Variants in NEDD9 observed in about 807,000 individuals in gnomAD.
The protein encoded by NEDD9 is neural precursor cell expressed, developmentally down-regulated 9.
NEDD9 carries 26 observed loss-of-function variants against 76.6 expected under a neutral mutation model. That is an observed-to-expected ratio of 0.34 (90% CI 0.25 to 0.47). The LOEUF is 0.47. NEDD9 is among the 20% of genes least tolerant of loss of function. NEDD9 has a pLI of 1.00. For missense variants in NEDD9, 937 were observed against 1,058.5 expected (o/e 0.89, Z 1.59); for synonymous variants, 392 against 414.2 (o/e 0.95, Z 0.65).
intron 2 of NEDD9, among the ~76,000 whole-genome samples, chr6:11,196,391 T>A (rs1758294824): frequency 6.6e-6 from 1 of 152,116 alleles, no homozygotes. Flanking sequence ...AAAATAGCAC[T>A]AGGTGACATA....
At chr6:11,377,149 C>T (rs79808042) in intron 1 of NEDD9, among the ~76,000 whole-genome samples, 10,563 of 152,264 alleles carry the variant, frequency 0.069, 401 homozygotes, top group Non-Finnish European at 0.071. Context: ...GCAGAGGCCC[C>T]ACAGAAAAAC....
intron 1 of NEDD9, among the ~76,000 whole-genome samples, chr6:11,228,329 G>A (rs866933579): frequency 8.5e-5 from 13 of 152,076 alleles, no homozygotes; most frequent in African/African-American, 2.4e-4. Context: ...TCAAGAGTTC[G>A]AGACCAGCCT....
At chr6:11,368,993 G>A (rs1407491412) in intron 1 of NEDD9, among the ~76,000 whole-genome samples, 1 of 152,198 alleles carries the variant, frequency 6.6e-6, no homozygotes, top group Non-Finnish European at 1.5e-5. Context: ...GTGAGGTAGG[G>A]CTCTTATTAC....
At chr6:11,281,107 TCATTGCTGTG>T (rs1167912580) in intron 3 of NEDD9, among the ~76,000 whole-genome samples, 1 of 152,260 alleles carries the variant, frequency 6.6e-6, no homozygotes. Flanking sequence ...TATATTTGTA[TCATTGCTGTG>T]GAAGAAAGAT....
chr6:11,206,096 A>G (rs956592650), intron 2 of NEDD9, among the ~76,000 whole-genome samples: 3 of 152,202 alleles, frequency 2.0e-5, no homozygotes, highest in African/African-American at 7.2e-5. Context: ...ATTTTGCACA[A>G]TGTAGTCAAG....
At chr6:11,340,692 T>A (rs1280354278) in intron 1 of NEDD9, among the ~76,000 whole-genome samples, 2 of 152,150 alleles carry the variant, frequency 1.3e-5, no homozygotes, top group African/African-American at 4.8e-5. Flanking sequence ...CCTTGAATAA[T>A]TCAGAATTTT....
chr6:11,226,650 C>A (rs1003320946), intron 1 of NEDD9, among the ~76,000 whole-genome samples: 1 of 152,148 alleles, frequency 6.6e-6, no homozygotes, highest in African/African-American at 2.4e-5. Flanking sequence ...TTTGAATTGA[C>A]GACTTTCTCT....
intron 3 of NEDD9, among the ~76,000 whole-genome samples, chr6:11,246,683 A>C (rs1434167779): frequency 6.6e-6 from 1 of 152,084 alleles, no homozygotes; most frequent in African/African-American, 2.4e-5. Flanking sequence ...CTTCCCACCC[A>C]CAGAAAACAA....
intron 3 of NEDD9, chr6:11,305,962 A>C (rs1444208875): frequency 1.2e-6 from 2 of 1,613,164 alleles, no homozygotes; most frequent in Non-Finnish European, 1.7e-6. Context: ...GGGAATCACA[A>C]ATTGTCTGTT....
chr6:11,245,709 A>C (rs1465183245), intron 3 of NEDD9, among the ~76,000 whole-genome samples: 1 of 152,238 alleles, frequency 6.6e-6, no homozygotes, highest in Non-Finnish European at 1.5e-5. Flanking sequence ...ACTAAATTTA[A>C]TGCTTTAGAG....
chr6:11,341,574 C>T (rs1265539674), intron 1 of NEDD9, among the ~76,000 whole-genome samples: 3 of 152,254 alleles, frequency 2.0e-5, no homozygotes, highest in Admixed American at 2.0e-4. Flanking sequence ...TGTAAATATG[C>T]GAACATTTAG....
chr6:11,270,385 T>A (rs548638399), intron 3 of NEDD9, among the ~76,000 whole-genome samples: 25 of 144,322 alleles, frequency 1.7e-4, no homozygotes, highest in African/African-American at 5.3e-4. Context: ...TTTTTTTTTT[T>A]AAATGTTCCA....
chr6:11,193,146 T>C (rs916440508), intron 3 of NEDD9, among the ~76,000 whole-genome samples: 9 of 149,534 alleles, frequency 6.0e-5, no homozygotes, highest in Admixed American at 6.0e-4. Flanking sequence ...CCCTACAAAA[T>C]ACAAAAATTA....
chr6:11,321,692 C>G (rs1761807844), intron 2 of NEDD9, among the ~76,000 whole-genome samples: 1 of 152,174 alleles, frequency 6.6e-6, no homozygotes, highest in South Asian at 2.1e-4. Context: ...GAAAGTACAT[C>G]AAACCAGGAT....
At chr6:11,311,267 G>A (rs749067235) in intron 2 of NEDD9, among the ~76,000 whole-genome samples, 31 of 152,178 alleles carry the variant, frequency 2.0e-4, no homozygotes, top group Non-Finnish European at 3.8e-4. Flanking sequence ...AATTAGTTAA[G>A]ATGAGGTCCT....
chr6:11,227,923 A>G (rs1050367815), intron 1 of NEDD9, among the ~76,000 whole-genome samples: 1 of 152,160 alleles, frequency 6.6e-6, no homozygotes, highest in Admixed American at 6.5e-5. Flanking sequence ...AGCGGGACTG[A>G]CAGGCCACTC....
At chr6:11,223,722 C>A (rs1446137265) in intron 1 of NEDD9, among the ~76,000 whole-genome samples, 2 of 152,172 alleles carry the variant, frequency 1.3e-5, no homozygotes, top group Admixed American at 6.5e-5. Context: ...GGATGCAAAT[C>A]CCCCGCACTG....
chr6:11,306,243 G>A, intron 2 of NEDD9: 1 of 550,952 alleles, frequency 1.8e-6, no homozygotes, highest in Admixed American at 3.1e-5. Flanking sequence ...CATCATAGCA[G>A]CTGGAAAAGC....
intron 2 of NEDD9, among the ~76,000 whole-genome samples, chr6:11,201,626 A>G (rs1455921575): frequency 6.6e-6 from 1 of 152,100 alleles, no homozygotes; most frequent in Non-Finnish European, 1.5e-5. Flanking sequence ...TGCTCTAGTG[A>G]CTTATTATTA....
Sources: allele counts gnomAD v4.1 joint callset (sites outside exome capture counted in the v4.1 genomes callset), GRCh38; gene constraint gnomAD v4.1.1; transcripts MANE v1.5; gene names NCBI Gene and HGNC (gene_info 2026-07-23, HGNC 2026-07-21).